The following VTI1A variants were observed in gnomAD, a reference collection of about 807,000 sequenced individuals.
The protein encoded by VTI1A is vesicle transport through interaction with t-SNAREs homolog 1A.
Under a neutral mutation model 34.9 loss-of-function variants are expected in VTI1A, and 22 were observed. That is an observed-to-expected ratio of 0.63 (90% confidence interval 0.45 to 0.90). The LOEUF (loss-of-function observed/expected upper bound fraction) is 0.90. Ranked by LOEUF, VTI1A falls within the 40% of genes least tolerant of loss-of-function variation. VTI1A has a pLI of 0.00. For missense variants in VTI1A, 268 were observed against 275.6 expected, an observed-to-expected ratio of 0.97 and a Z score of 0.20; for synonymous variants, 87 against 97.3, an observed-to-expected ratio of 0.89 and a Z score of 0.62.
At chr10:112,477,981 A>C (rs1441452012) in intron 3 of VTI1A, among the ~76,000 whole-genome samples, 2 of 152,162 alleles carry the variant, frequency 1.3e-5, no homozygotes, top group Non-Finnish European at 2.9e-5. Flanking sequence ...CATAGCTAGC[A>C]TCTTGCAGAT....
chr10:112,813,265 T>G (rs1590209352), intron 7 of VTI1A, among the ~76,000 whole-genome samples: 1 of 152,202 alleles, frequency 6.6e-6, no homozygotes, highest in Non-Finnish European at 1.5e-5. Context: ...ATGCCTCAGA[T>G]TGAACAAGTA....
intron 7 of VTI1A, among the ~76,000 whole-genome samples, chr10:112,676,093 C>A (rs1434857513): frequency 6.6e-6 from 1 of 152,094 alleles, no homozygotes; most frequent in African/African-American, 2.4e-5. Context: ...AGACTAAAAT[C>A]AAAATGTTAA....
intron 3 of VTI1A, among the ~76,000 whole-genome samples, chr10:112,492,015 C>G (rs1848840646): frequency 6.6e-6 from 1 of 152,166 alleles, no homozygotes; most frequent in Non-Finnish European, 1.5e-5. Flanking sequence ...TAGGTGTAGC[C>G]AGGACCCAGG....
At chr10:112,543,575 A>G (rs1850950270) in intron 5 of VTI1A, among the ~76,000 whole-genome samples, 1 of 152,188 alleles carries the variant, frequency 6.6e-6, no homozygotes, top group Non-Finnish European at 1.5e-5. Flanking sequence ...GATTCTGGAT[A>G]TTAGCCCTTT....
At chr10:112,566,641 T>C (rs1221102067) in intron 5 of VTI1A, among the ~76,000 whole-genome samples, 2 of 152,186 alleles carry the variant, frequency 1.3e-5, no homozygotes, top group Non-Finnish European at 2.9e-5. Context: ...GTAGAGAAAC[T>C]TGTGATTGAA....
At chr10:112,611,295 C>T (rs941010175) in intron 5 of VTI1A, among the ~76,000 whole-genome samples, 2 of 152,186 alleles carry the variant, frequency 1.3e-5, no homozygotes, top group African/African-American at 4.8e-5. Flanking sequence ...GAGCTTGATT[C>T]TCTACTCTTT....
chr10:112,741,689 A>T (rs1324575204), intron 7 of VTI1A, among the ~76,000 whole-genome samples: 2 of 152,240 alleles, frequency 1.3e-5, no homozygotes, highest in Non-Finnish European at 2.9e-5. Context: ...GTGAGTTTTT[A>T]AAAATTATAC....
At position 112,685,088 on chromosome 10, in the gene VTI1A, A is replaced by T. The variant is rs149406912; in HGVS notation, c.560+16090A>T. ...TCTTTGTTTAGTTTTGGTTTTTTAA[A>T]TCTTTGGAATTGAACAGAGTCTAGA... is the stretch of plus-strand genomic sequence containing the variant. On this transcript the variant is annotated intron_variant, in intron 7 of 7. Transcript: ENST00000393077. Among the ~76,000 whole-genome samples, 18 of 152,290 alleles carry T rather than the reference A, an allele frequency of 1.2e-4. No homozygotes were observed. The East Asian group carries it at 3.5e-3, about 29-fold the overall frequency.
At chr10:112,546,682 A>T (rs80207046) in intron 5 of VTI1A, among the ~76,000 whole-genome samples, 10,600 of 149,508 alleles carry the variant, frequency 0.071, 587 homozygotes, top group East Asian at 0.27. Flanking sequence ...CTTTTTTTTT[A>T]AAAAAAGAGG....
At chr10:112,834,959 A>T in the VTI1A span, among the ~76,000 whole-genome samples, 1 of 152,224 alleles carries the variant, frequency 6.6e-6, no homozygotes, top group Admixed American at 6.5e-5. Context: ...CCTTCTATGT[A>T]CATGACTGTT....
chr10:112,494,267 C>G (rs533108908), intron 3 of VTI1A, among the ~76,000 whole-genome samples: 1 of 151,922 alleles, frequency 6.6e-6, no homozygotes, highest in East Asian at 1.9e-4. Context: ...TTTTTTATTT[C>G]TGTAGTGTCT....
downstream of VTI1A, among the ~76,000 whole-genome samples, chr10:112,819,120 TCAG>T (rs778447835): frequency 4.6e-5 from 7 of 152,236 alleles, no homozygotes; most frequent in Non-Finnish European, 1.0e-4. Flanking sequence ...TGCAACCTGT[TCAG>T]CAGGCGTTCT....
intron 7 of VTI1A, chr10:112,672,721 T>C (rs538431946): frequency 6.6e-6 from 1 of 152,324 alleles, no homozygotes; most frequent in African/African-American, 2.4e-5. Flanking sequence ...TGTGTATTTT[T>C]TCTATACCTT....
chr10:112,721,268 A>G (rs1849797753), intron 7 of VTI1A, among the ~76,000 whole-genome samples: 1 of 152,176 alleles, frequency 6.6e-6, no homozygotes, highest in Non-Finnish European at 1.5e-5. Flanking sequence ...GAAACAAATA[A>G]CCGATAGGTG....
At chr10:112,679,806 A>G (rs17130008) in intron 7 of VTI1A, among the ~76,000 whole-genome samples, 16,249 of 151,288 alleles carry the variant, frequency 0.11, 910 homozygotes, top group Middle Eastern at 0.15. Context: ...TTCCCAAATC[A>G]GTTAAAGATG....
At chr10:112,842,051 C>CTTTTTTTTTTTTT in the VTI1A span, among the ~76,000 whole-genome samples, 31 of 66,642 alleles carry the variant, frequency 4.7e-4, no homozygotes, top group Non-Finnish European at 6.3e-4. Flanking sequence ...TTTTTTTTTC[C>CTTTTTTTTTTTTT]TTTTTTTTTT....
chr10:112,665,093 G>A (rs1300739033), intron 5 of VTI1A, among the ~76,000 whole-genome samples: 1 of 152,132 alleles, frequency 6.6e-6, no homozygotes. Context: ...ATTGGCTTAG[G>A]CCTCTGAGCT....
chr10:112,599,479 G>A (rs191567826), intron 5 of VTI1A, among the ~76,000 whole-genome samples: 1 of 152,288 alleles, frequency 6.6e-6, no homozygotes, highest in Admixed American at 6.5e-5. Flanking sequence ...AGTCCATGGT[G>A]GATGCCAAAC....
Position 112,794,542 on chromosome 10 carries a change from A to G in VTI1A, c.561-20748A>G, listed in dbSNP as rs149138373. On this transcript the variant is annotated intron_variant, in intron 7 of 7. Transcript: ENST00000393077. Reference sequence around the variant, plus strand: ...ACTCCAGCCTGGGCAACAGAGTGAGACTCTGCCTCTAAAAAATAATAATAA... The same window carrying G: ...ACTCCAGCCTGGGCAACAGAGTGAGGCTCTGCCTCTAAAAAATAATAATAA... Among the ~76,000 whole-genome samples, 281 of 152,176 alleles carry G rather than the reference A, an allele frequency of 1.8e-3. 1 individual carries two copies. Among genetic ancestry groups the G allele is most frequent in the African/African-American group, 6.3e-3 (262 of 41,544 alleles).
Sources: gnomAD v4.1 joint callset for allele counts (sites outside exome capture counted in the v4.1 genomes callset) on GRCh38, gnomAD v4.1.1 for gene constraint, MANE v1.5 for transcripts, NCBI Gene and HGNC (gene_info 2026-07-23, HGNC 2026-07-21) for gene names.